Variants in PTER observed in about 807,000 individuals in gnomAD.
PTER encodes phosphotriesterase related.
PTER carries 38 observed loss-of-function variants against 29.6 expected under a neutral mutation model. The observed-to-expected ratio is 1.28, with a 90% CI of 0.99 to 1.68. The LOEUF (loss-of-function observed/expected upper bound fraction) is 1.68, where lower values mean the gene tolerates loss of function less well. Ranked by LOEUF, PTER falls within the 40% of genes most tolerant of loss-of-function variation. The pLI is 0.00. For missense variants in PTER, 482 were observed against 427.8 expected (o/e 1.13, Z -1.12); for synonymous variants, 172 against 154.5 (o/e 1.11, Z -0.84).
chr10:16,486,529 C>G lies in PTER; in HGVS notation c.610C>G (p.Arg204Gly). The change falls in exon 3 of 5, where the codon CGG becomes GGG. Residue 204 changes from arginine (R) to glycine (G), a missense_variant. Arg to Gly is a moderately radical substitution (Grantham distance 125). Coordinates refer to ENST00000535784, the MANE Select transcript of PTER (RefSeq NM_001261836.2). ...LGCPVIIHPG[R>G]SSRAPFQIIR... The stretch of plus-strand genomic sequence containing the variant: ...TTGTCCTGTTATTATCCATCCTGGA[C>G]GGAGCTCCAGGGCACCATTTCAGAT... 6.2e-7 allele frequency: 1 copy of G among 1,613,984 alleles called. No homozygotes were observed. The highest frequency in any genetic ancestry group is 8.5e-7 in the Non-Finnish European group (1 of 1,179,924).
chr10:16,452,884 G>C (rs1290243508), intron 1 of PTER, among the ~76,000 whole-genome samples: 1 of 151,706 alleles, frequency 6.6e-6, no homozygotes, highest in East Asian at 1.9e-4. Context: ...TCCCAAGTGG[G>C]TGGGATTACA....
At chr10:16,439,704 A>G (rs548718133) in intron 1 of PTER, among the ~76,000 whole-genome samples, 1 of 152,330 alleles carries the variant, frequency 6.6e-6, no homozygotes, top group South Asian at 2.1e-4. Context: ...ATCCTTAAAT[A>G]TCTTCTTTTT....
At chr10:16,495,693 T>G (rs774191069) in intron 3 of PTER, among the ~76,000 whole-genome samples, 4 of 152,174 alleles carry the variant, frequency 2.6e-5, no homozygotes, top group Non-Finnish European at 5.9e-5. Flanking sequence ...CACATAGAGC[T>G]GCCCTCACAG....
chr10:16,477,254 C>T (rs1835302912), intron 1 of PTER, among the ~76,000 whole-genome samples: 2 of 85,706 alleles, frequency 2.3e-5, no homozygotes, highest in South Asian at 4.8e-4. Flanking sequence ...TTCATTCTGT[C>T]TTTCGATAGA....
At chr10:16,458,620 GT>G (rs1834497177) in intron 1 of PTER, among the ~76,000 whole-genome samples, 1 of 152,184 alleles carries the variant, frequency 6.6e-6, no homozygotes, top group South Asian at 2.1e-4. Context: ...AGACAGAGAC[GT>G]GCAATCCAGG....
chr10:16,446,064 C>T (rs939111091), intron 1 of PTER, among the ~76,000 whole-genome samples: 2 of 152,252 alleles, frequency 1.3e-5, no homozygotes, highest in East Asian at 1.9e-4. Flanking sequence ...CCAGATATTT[C>T]GGAGCAGCTC....
chr10:16,478,534 A>G (rs371351741), intron 1 of PTER, among the ~76,000 whole-genome samples: 3 of 151,668 alleles, frequency 2.0e-5, no homozygotes, highest in African/African-American at 7.3e-5. Flanking sequence ...GGGTTTTACT[A>G]TGTTGGCCAG....
In PTER at chr10:16,486,451, G is replaced by C. The variant is rs747439017; in HGVS notation, c.532G>C (p.Glu178Gln). 1.2e-5 allele frequency: 19 copies of C among 1,613,938 alleles called. No homozygotes were observed. The African/African-American group carries it at 2.5e-4, about 22-fold the overall frequency. ...AATTGGTTGCTCCTGGCCTTTGACT[G>C]AGAGTGAAAGAAAGGTTCTCCAGGC... The part of the protein sequence containing the change: ...GEIGCSWPLT[E>Q]SERKVLQATA... The change falls in exon 3 of 5, where the codon GAG becomes CAG. Residue 178 changes from glutamate (E) to glutamine (Q), a missense_variant. Transcript: ENST00000535784.
chr10:16,508,495 A>G (rs1482733146), intron 4 of PTER, among the ~76,000 whole-genome samples: 2 of 152,116 alleles, frequency 1.3e-5, no homozygotes, highest in African/African-American at 4.8e-5. Context: ...TGAGGCTCCC[A>G]GACCTTCTAG....
intron 1 of PTER, among the ~76,000 whole-genome samples, chr10:16,441,955 TGAG>T (rs1833865873): frequency 6.6e-6 from 1 of 152,146 alleles, no homozygotes; most frequent in African/African-American, 2.4e-5. Flanking sequence ...TGGTAAACAC[TGAG>T]TTCTTTCTTC....
intron 1 of PTER, among the ~76,000 whole-genome samples, chr10:16,482,810 C>A (rs1835528191): frequency 6.6e-6 from 1 of 151,864 alleles, no homozygotes; most frequent in Non-Finnish European, 1.5e-5. Context: ...GAGACATAAT[C>A]TCGCTCTGTT....
At chr10:16,504,191 C>G (rs1836472991) in intron 3 of PTER, among the ~76,000 whole-genome samples, 1 of 151,674 alleles carries the variant, frequency 6.6e-6, no homozygotes, top group Non-Finnish European at 1.5e-5. Flanking sequence ...TTGGGGTTAC[C>G]TTAGTGCATC....
At chr10:16,487,999 T>C (rs1468132200) in intron 3 of PTER, among the ~76,000 whole-genome samples, 5 of 152,282 alleles carry the variant, frequency 3.3e-5, no homozygotes, top group African/African-American at 9.6e-5. Flanking sequence ...AAAATTCTTT[T>C]ACTTAATAAA....
intron 1 of PTER, among the ~76,000 whole-genome samples, chr10:16,460,272 T>C (rs928123016): frequency 6.6e-6 from 1 of 152,204 alleles, no homozygotes; most frequent in African/African-American, 2.4e-5. Flanking sequence ...TTAATACTTC[T>C]TTATTAACAG....
chr10:16,470,299 T>C (rs1834997680), intron 1 of PTER, among the ~76,000 whole-genome samples: 1 of 152,202 alleles, frequency 6.6e-6, no homozygotes, highest in Non-Finnish European at 1.5e-5. Flanking sequence ...CAAAAGGCAT[T>C]ATTGTTGGTT....
intron 1 of PTER, among the ~76,000 whole-genome samples, chr10:16,467,851 G>A (rs1384175191): frequency 2.6e-5 from 4 of 152,068 alleles, no homozygotes; most frequent in African/African-American, 9.7e-5. Flanking sequence ...CTGAGAACTT[G>A]GAGTGTGAAG....
At chr10:16,473,437 T>G (rs1049227678) in intron 1 of PTER, among the ~76,000 whole-genome samples, 2 of 145,160 alleles carry the variant, frequency 1.4e-5, no homozygotes, top group Non-Finnish European at 3.0e-5. Context: ...CTCCTAGCGC[T>G]TGAACCCGGG....
chr10:16,468,729 C>A (rs1327394786), intron 1 of PTER, among the ~76,000 whole-genome samples: 1 of 152,118 alleles, frequency 6.6e-6, no homozygotes, highest in Non-Finnish European at 1.5e-5. Context: ...AATCCCATTA[C>A]TTTGGGGGCC....
At chr10:16,448,326 G>T (rs1452733726) in intron 1 of PTER, among the ~76,000 whole-genome samples, 2 of 152,202 alleles carry the variant, frequency 1.3e-5, no homozygotes, top group East Asian at 3.8e-4. Context: ...TGGACCTGTT[G>T]CAGAGCCTTC....
Sources: gnomAD v4.1 joint callset for allele counts (sites outside exome capture counted in the v4.1 genomes callset) on GRCh38, gnomAD v4.1.1 for gene constraint, MANE v1.5 for transcripts, NCBI Gene and HGNC (gene_info 2026-07-23, HGNC 2026-07-21) for gene names.